GMNC: variants seen among roughly 807,000 people sequenced by gnomAD.
GMNC encodes geminin coiled-coil domain-containing protein 1.
Under a neutral mutation model 33.6 loss-of-function variants are expected in GMNC, and 16 were observed. The ratio of observed to expected loss-of-function variants is 0.48; its 90% CI spans 0.32 to 0.72. GMNC has a LOEUF of 0.72. Among genes scored for constraint, GMNC ranks in the 30% least tolerant of loss-of-function variants. The pLI, the probability that GMNC is intolerant of heterozygous loss-of-function variation, is 0.03. For missense variants in GMNC, 393 were observed against 388.9 expected (o/e 1.01, Z -0.09); for synonymous variants, 156 against 147.3 (o/e 1.06, Z -0.43).
Position 190,855,817 on chromosome 3 carries a change from G to A in GMNC, c.483C>T (p.Pro161=). Residue 161 remains proline, a synonymous_variant, in exon 5 of 5, where the codon CCC becomes CCT. Coordinates refer to ENST00000442080, the MANE Select transcript of GMNC (RefSeq NM_001146686.3). ...KEQRYSPAEI[P]HPKNAKRNLS... ...GGTTTCTTTTGGCATTTTTGGGATG[G>A]GGAATCTCAGCAGGAGAGTATCTTT... 2 of 1,551,380 alleles carry A rather than the reference G, an allele frequency of 1.3e-6. No homozygotes were observed. Among genetic ancestry groups the A allele is most frequent in the Non-Finnish European group, 1.7e-6 (2 of 1,146,800 alleles).
At position 190,856,387 on chromosome 3, in the gene GMNC, A is replaced by C. The variant is rs187284221; in HGVS notation, c.385-472T>G. ...TAAATATTTAGAAATAGATATATTT[A>C]TAAATATTTATATATTTATAAATAT... On this transcript the variant is annotated intron_variant, in intron 4 of 4. Coordinates refer to ENST00000442080, the MANE Select transcript of GMNC (RefSeq NM_001146686.3). Among the ~76,000 whole-genome samples, 291 of 140,774 alleles carry C rather than the reference A, an allele frequency of 2.1e-3. 9 individuals are homozygous for C. The highest frequency in any genetic ancestry group is 7.3e-3 in the African/African-American group (272 of 37,386). The allele number at this position is 140,774 out of a possible 152,430, so 92.4% of individuals were successfully genotyped here.
At chr3:190,860,904 G>A in intron 1 of GMNC, 46 bp from the exon 2 acceptor site, 1 of 1,391,994 alleles carries the variant, frequency 7.2e-7, no homozygotes, top group Non-Finnish European at 9.8e-7. Context: ...AAAAGATGGG[G>A]TGATGGAGAT....
chr3:190,845,925 T>C, the GMNC span, among the ~76,000 whole-genome samples: 3 of 152,142 alleles, frequency 2.0e-5, no homozygotes, highest in African/African-American at 7.2e-5. Flanking sequence ...ATAGTTACAT[T>C]ACATATAATA....
downstream of GMNC, among the ~76,000 whole-genome samples, chr3:190,850,398 A>T (rs1453581585): frequency 6.6e-6 from 1 of 152,216 alleles, no homozygotes; most frequent in Non-Finnish European, 1.5e-5. Context: ...CCGGAGGCTG[A>T]AAAACCGGAC....
chr3:190,844,619 A>G, the GMNC span, among the ~76,000 whole-genome samples: 3 of 151,976 alleles, frequency 2.0e-5, no homozygotes, highest in Non-Finnish European at 4.4e-5. Context: ...TATTTTGCAT[A>G]AAAGTAATTT....
chr3:190,855,072 GT>G lies in GMNC; in HGVS notation c.*222del. The G allele has an allele frequency of 1.8e-6, 1 of 550,334 alleles. No individual in the cohort carries two copies. The highest frequency in any genetic ancestry group is 1.9e-5 in the African/African-American group (1 of 52,996). The allele number at this position is 550,334 out of a possible 1,614,324, so 34.1% of individuals were successfully genotyped here. The stretch of plus-strand genomic sequence containing the variant: ...GAGGATGTCAATAGCAGGTATTGGT[GT>G]GTAAACAAGTCAAATTTAGGTAAAA... On this transcript the variant is annotated 3_prime_UTR_variant, in exon 5 of 5. Coordinates refer to ENST00000442080, the MANE Select transcript of GMNC (RefSeq NM_001146686.3).
the GMNC span, among the ~76,000 whole-genome samples, chr3:190,845,949 TG>T: frequency 6.6e-6 from 1 of 151,980 alleles, no homozygotes; most frequent in African/African-American, 2.4e-5. Context: ...AATGTTGGGG[TG>T]GGCACTGTGG....
rs1200426708 is a variant in GMNC, at chr3:190,852,763, G to A, written c.*2532C>T. 1 of 151,968 alleles carries A rather than the reference G, an allele frequency of 6.6e-6. No individual in the cohort carries two copies. Among genetic ancestry groups the A allele is most frequent in the Non-Finnish European group, 1.5e-5 (1 of 67,948 alleles). 9.4% of individuals were successfully genotyped at this position (151,968 alleles called of 1,614,324 possible). A position where few individuals can be genotyped will look rare whatever the true frequency, so the allele number is the denominator to read the frequency against. On this transcript the variant is annotated 3_prime_UTR_variant, in exon 5 of 5. Coordinates refer to ENST00000442080, the MANE Select transcript of GMNC (RefSeq NM_001146686.3). ...TCTGCTATTAGGGAATGTTAAGCAT[G>A]GTATAAAAATAGTTACCGCAATCAC...
At chr3:190,860,644 A>G (rs575507674) in intron 2 of GMNC, 40 bp downstream of exon 2, 10 of 1,502,664 alleles carry the variant, frequency 6.7e-6, no homozygotes, top group South Asian at 2.6e-5. Context: ...TATGGAAAAG[A>G]GCTCCAGATC....
Position 190,857,751 on chromosome 3 carries a change from T to G in GMNC, c.384+32A>C. 2.8e-6 allele frequency: 3 copies of G among 1,061,316 alleles called. No homozygotes were observed. The South Asian group carries it at 4.1e-5, about 14-fold the overall frequency. 65.7% of individuals were successfully genotyped at this position (1,061,316 alleles called of 1,614,324 possible). A position where few individuals can be genotyped will look rare whatever the true frequency, so the allele number is the denominator to read the frequency against. On this transcript the variant is annotated intron_variant, in intron 4 of 4. Coordinates refer to ENST00000442080, the MANE Select transcript of GMNC (RefSeq NM_001146686.3). ...TTCCTTTCTCAAATCACTGCTTTGT[T>G]CTTATAAAGTAGATACATACATCAT...
rs1553787646 is a variant in GMNC, at chr3:190,862,362, A to AGAGAGAGAGAGAGAGGGCGAGAG, written c.3+250_3+251insCTCTCGCCCTCTCTCTCTCTCTC. Among the ~76,000 whole-genome samples the AGAGAGAGAGAGAGAGGGCGAGAG allele has an allele frequency of 6.8e-6, 1 of 147,548 alleles. No individual in the cohort carries two copies. The highest frequency in any genetic ancestry group is 1.5e-5 in the Non-Finnish European group (1 of 66,146). On this transcript the variant is annotated intron_variant, in intron 1 of 4. Coordinates refer to ENST00000442080, the MANE Select transcript of GMNC (RefSeq NM_001146686.3). The surrounding 1 kb of genome is among the most constrained non-coding windows in gnomAD (Gnocchi z 4.5). ...AAGTAAGGAAAGTAGTAATAACAGA[A>AGAGAGAGAGAGAGAGGGCGAGAG]AGAGAGAGAGAGGGCGAGAGAGAGA... is the stretch of plus-strand genomic sequence containing the variant.
chr3:190,850,730 GA>G (rs1737620558), downstream of GMNC, among the ~76,000 whole-genome samples: 3 of 152,168 alleles, frequency 2.0e-5, no homozygotes, highest in African/African-American at 4.8e-5. Context: ...GAACAAAGGA[GA>G]AAATTCCGCA....
At position 190,855,122 on chromosome 3, in the gene GMNC, G is replaced by A; in HGVS notation, c.*173C>T. ...AAGAAGCGCGGACACGTTTCATTAT[G>A]GATTCTTGGAAGCCATTCCCTGCAG... On this transcript the variant is annotated 3_prime_UTR_variant, in exon 5 of 5. Transcript: ENST00000442080. The A allele has an allele frequency of 1.5e-6, 1 of 657,522 alleles. No individual in the cohort carries two copies. Among genetic ancestry groups the A allele is most frequent in the Non-Finnish European group, 2.5e-6 (1 of 392,290 alleles). The allele number at this position is 657,522 out of a possible 1,614,324, so 40.7% of individuals were successfully genotyped here. A position where few individuals can be genotyped will look rare whatever the true frequency, so the allele number is the denominator to read the frequency against.
At chr3:190,844,030 G>A in the GMNC span, among the ~76,000 whole-genome samples, 3 of 152,188 alleles carry the variant, frequency 2.0e-5, no homozygotes, top group African/African-American at 7.2e-5. Flanking sequence ...ACTTCTTATA[G>A]TTTAAATATC....
At chr3:190,843,306 A>T in the GMNC span, among the ~76,000 whole-genome samples, 1 of 152,104 alleles carries the variant, frequency 6.6e-6, no homozygotes, top group Non-Finnish European at 1.5e-5. Flanking sequence ...ATGGAAAAAA[A>T]TGTTAAAAAA....
At position 190,855,422 on chromosome 3, in the gene GMNC, A is replaced by C. The variant is rs1560036254; in HGVS notation, c.878T>G (p.Met293Arg). 2 of 1,552,092 alleles carry C rather than the reference A, an allele frequency of 1.3e-6. No homozygotes were observed. Among genetic ancestry groups the C allele is most frequent in the Non-Finnish European group, 1.7e-6 (2 of 1,147,046 alleles). Reference sequence around the variant, plus strand: ...AGGGCTCAGGGATGTGGAAAATGCCATCTCTGTCTTGTTGGGTGACACATG... The same window carrying C: ...AGGGCTCAGGGATGTGGAAAATGCCCTCTCTGTCTTGTTGGGTGACACATG... Reference protein sequence around the residue: ...TAHVSPNKTEMAFSTSLSPHC... With the variant: ...TAHVSPNKTERAFSTSLSPHC... Residue 293 changes from methionine (M) to arginine (R), a missense_variant, in exon 5 of 5, where the codon ATG becomes AGG. Physicochemically the swap from Met to Arg is moderately conservative, Grantham distance 91 (BLOSUM62 -1). Transcript: ENST00000442080.
Position 190,861,223 on chromosome 3 carries a change from T to C in GMNC, c.4-365A>G, listed in dbSNP as rs1737858670. On this transcript the variant is annotated intron_variant, in intron 1 of 4. Transcript: ENST00000442080. This position sits in a 1 kb window ranked among gnomAD's most constrained non-coding sequence, Gnocchi z 5.1. ...AATTCTACTTAATGATTCAAAACCATAAGAACTATTTGGTTCTTTCTGCAA... is the reference window on the plus strand; with the variant it reads ...AATTCTACTTAATGATTCAAAACCACAAGAACTATTTGGTTCTTTCTGCAA... Among the ~76,000 whole-genome samples, 1 of 152,204 alleles carries C rather than the reference T, an allele frequency of 6.6e-6. No homozygotes were observed. Among genetic ancestry groups the C allele is most frequent in the African/African-American group, 2.4e-5 (1 of 41,466 alleles).
chr3:190,857,919 G>A lies in GMNC; in HGVS notation c.268-20C>T. The A allele has an allele frequency of 7.7e-7, 1 of 1,296,144 alleles. No individual in the cohort carries two copies. The highest frequency in any genetic ancestry group is 1.1e-6 in the Non-Finnish European group (1 of 913,634). The allele number at this position is 1,296,144 out of a possible 1,614,324, so 80.3% of individuals were successfully genotyped here. A position where few individuals can be genotyped will look rare whatever the true frequency, so the allele number is the denominator to read the frequency against. On this transcript the variant is annotated intron_variant, in intron 3 of 4. Transcript: ENST00000442080. ...TTGCAGCTACAAAAAGCAGACAGTG[G>A]TGAAGGCTGCTCCACTATATTGACT...
At chr3:190,850,124 T>G (rs986897453), downstream of GMNC, among the ~76,000 whole-genome samples, 1 of 152,202 alleles carries the variant, frequency 6.6e-6, no homozygotes, top group Admixed American at 6.5e-5. Context: ...TGATAGAGGA[T>G]GAATTAGGTC....
Sources: gnomAD v4.1 joint callset for allele counts (sites outside exome capture counted in the v4.1 genomes callset) on GRCh38, gnomAD v4.1.1 for gene constraint, Gnocchi (gnomAD v3.1) non-coding constraint, MANE v1.5 for transcripts, NCBI Gene and HGNC (gene_info 2026-07-23, HGNC 2026-07-21) for gene names.